PYY: variants seen among roughly 807,000 people sequenced by gnomAD.
PYY encodes peptide tyrosine tyrosine.
A neutral mutation model predicts 10.3 loss-of-function variants in PYY; 12 were observed. That is an observed-to-expected ratio of 1.17 (90% CI 0.75 to 1.89). PYY has a LOEUF of 1.89. PYY is among the 40% of genes most tolerant of loss of function. The pLI, the probability that PYY is intolerant of heterozygous loss-of-function variation, is 0.00. For missense variants in PYY, 141 were observed against 134.0 expected (o/e 1.05, Z -0.26); for synonymous variants, 66 against 62.0 (o/e 1.06, Z -0.30).
At chr17:44,001,203 C>T (rs1473303126) in intron 1 of PYY, among the ~76,000 whole-genome samples, 1 of 152,096 alleles carries the variant, frequency 6.6e-6, no homozygotes, top group Non-Finnish European at 1.5e-5. Context: ...TGAGATGCGG[C>T]CAAGAAGGGC....
At chr17:43,960,542 A>AAC (rs1210384147) in intron 2 of PYY, among the ~76,000 whole-genome samples, 3 of 147,828 alleles carry the variant, frequency 2.0e-5, no homozygotes, top group East Asian at 2.0e-4. Flanking sequence ...CAAAAAAAAA[A>AAC]AAAAAAAAAA....
intron 1 of PYY, among the ~76,000 whole-genome samples, chr17:44,001,453 C>CAA (rs1238792413): frequency 1.3e-5 from 2 of 152,116 alleles, no homozygotes; most frequent in Non-Finnish European, 2.9e-5. Context: ...TGTAGGCCTT[C>CAA]AACTCAGAGG....
intron 1 of PYY, among the ~76,000 whole-genome samples, chr17:43,973,028 A>G (rs969516900): frequency 2.0e-5 from 3 of 152,098 alleles, no homozygotes; most frequent in African/African-American, 7.2e-5. Flanking sequence ...TTGTTGAGAC[A>G]CGATCTCACT....
At chr17:43,994,719 AC>A (rs1018554505) in intron 1 of PYY, among the ~76,000 whole-genome samples, 6 of 151,716 alleles carry the variant, frequency 4.0e-5, no homozygotes, top group African/African-American at 1.5e-4. Context: ...GCTCCTCTCA[AC>A]GCCTTTGCCC....
At chr17:43,976,125 A>G (rs1483632533) in intron 1 of PYY, among the ~76,000 whole-genome samples, 1 of 116,934 alleles carries the variant, frequency 8.6e-6, no homozygotes, top group African/African-American at 3.1e-5. Flanking sequence ...GTATACGTAT[A>G]TATGTATACA....
chr17:43,956,931 T>TG (rs5820516), upstream of PYY, among the ~76,000 whole-genome samples: 152,249 of 152,252 alleles, frequency 1, 76,123 homozygotes, highest in Non-Finnish European at 1. Flanking sequence ...CCAGGCGTGG[T>TG]GCTCACGCCT....
intron 1 of PYY, among the ~76,000 whole-genome samples, chr17:43,979,761 G>T (rs1032537323): frequency 3.1e-4 from 47 of 151,548 alleles, no homozygotes; most frequent in Non-Finnish European, 5.9e-5. Context: ...AAATGGGTGT[G>T]GGGGTAGCTA....
At chr17:43,980,156 C>CTTTTTTTTTTTT in intron 1 of PYY, among the ~76,000 whole-genome samples, 1 of 100,618 alleles carries the variant, frequency 9.9e-6, no homozygotes, top group Non-Finnish European at 1.9e-5. Context: ...TCCCCTCCAC[C>CTTTTTTTTTTTT]TTTTTTTTTT....
chr17:43,984,044 G>A (rs1475313661), intron 1 of PYY, among the ~76,000 whole-genome samples: 1 of 152,200 alleles, frequency 6.6e-6, no homozygotes, highest in Non-Finnish European at 1.5e-5. Context: ...TGCACGCCCC[G>A]GCCGCCGGAG....
At chr17:43,957,275 T>G (rs377706741), upstream of PYY, among the ~76,000 whole-genome samples, 98 of 151,858 alleles carry the variant, frequency 6.5e-4, no homozygotes, top group African/African-American at 2.3e-3. Flanking sequence ...GGCACTGATC[T>G]AGGCACTGGG....
At chr17:43,994,861 CG>C (rs1051961521) in intron 1 of PYY, among the ~76,000 whole-genome samples, 1 of 152,158 alleles carries the variant, frequency 6.6e-6, no homozygotes, top group Admixed American at 6.5e-5. Context: ...TGGCTGGGGC[CG>C]GGGGTGGCCA....
chr17:43,994,689 C>T (rs1030042265), intron 1 of PYY, among the ~76,000 whole-genome samples: 9 of 152,168 alleles, frequency 5.9e-5, no homozygotes, highest in Admixed American at 2.0e-4. Context: ...TCCCCACCTT[C>T]GTCCCAAATA....
chr17:43,982,789 C>T (rs112019517), intron 1 of PYY, among the ~76,000 whole-genome samples: 25 of 152,330 alleles, frequency 1.6e-4, no homozygotes, highest in Non-Finnish European at 1.8e-4. Context: ...CTGTGTTCAA[C>T]GGGCTGCTCC....
intron 1 of PYY, among the ~76,000 whole-genome samples, chr17:44,001,167 C>T (rs891422076): frequency 6.6e-6 from 1 of 152,170 alleles, no homozygotes; most frequent in African/African-American, 2.4e-5. Flanking sequence ...CTGGCCAATT[C>T]CTGTCACATT....
intron 2 of PYY, among the ~76,000 whole-genome samples, chr17:43,960,653 G>A (rs2048706043): frequency 6.7e-6 from 1 of 149,786 alleles, no homozygotes; most frequent in African/African-American, 2.5e-5. Flanking sequence ...TTGGAGACCA[G>A]CCTGGCCAAC....
intron 1 of PYY, among the ~76,000 whole-genome samples, chr17:43,972,332 C>T (rs1317337092): frequency 6.6e-6 from 1 of 151,324 alleles, no homozygotes; most frequent in African/African-American, 2.4e-5. Context: ...CCTGTCTTAG[C>T]CTCCTGAATA....
In PYY at chr17:43,953,613, G is replaced by A. The variant is rs73986642; in HGVS notation, c.1-130C>T. 3.0e-3 allele frequency: 2,609 copies of A among 877,390 alleles called. 52 individuals are homozygous for A. In the African/African-American group the frequency reaches 0.038, roughly 13 times the overall value. 54.4% of individuals were successfully genotyped at this position (877,390 alleles called of 1,614,324 possible). ...GGTACCGGACCAAGGCTCAGCCACCGGGCTTGCTGTGTGTTCTTGGGCACT... is the reference window on the plus strand; with the variant it reads ...GGTACCGGACCAAGGCTCAGCCACCAGGCTTGCTGTGTGTTCTTGGGCACT... On this transcript the variant is annotated intron_variant, in intron 1 of 3. Coordinates refer to ENST00000692052, the MANE Select transcript of PYY (RefSeq NM_001394028.1).
intron 1 of PYY, among the ~76,000 whole-genome samples, chr17:43,970,787 C>A (rs1192984245): frequency 6.6e-6 from 1 of 152,168 alleles, no homozygotes; most frequent in African/African-American, 2.4e-5. Context: ...ATAGTTCTAT[C>A]TTTTAGGGAA....
intron 2 of PYY, among the ~76,000 whole-genome samples, chr17:43,960,619 G>A (rs1366480975): frequency 1.3e-5 from 2 of 150,072 alleles, no homozygotes; most frequent in Non-Finnish European, 3.0e-5. Context: ...GGAGGCCAAG[G>A]TGGTGGATCA....
Sources: allele counts gnomAD v4.1 joint callset (sites outside exome capture counted in the v4.1 genomes callset), GRCh38; gene constraint gnomAD v4.1.1; transcripts MANE v1.5; gene names NCBI Gene and HGNC (gene_info 2026-07-23, HGNC 2026-07-21).